SLC12A1: variants seen among roughly 807,000 people sequenced by gnomAD.
The protein encoded by SLC12A1 is solute carrier family 12 member 1, also known as Na-K-2Cl cotransporter.
A neutral mutation model predicts 130.4 loss-of-function variants in SLC12A1; 89 were observed. The ratio of observed to expected loss-of-function variants is 0.68; its 90% CI spans 0.58 to 0.81. The LOEUF is 0.81. Among genes scored for constraint, SLC12A1 ranks in the 40% least tolerant of loss-of-function variants. The probability of loss-of-function intolerance (pLI) is 0.00; values close to 1 mark genes in which losing one functional copy is unlikely to be tolerated. For missense variants in SLC12A1, 1,310 were observed against 1,336.4 expected (o/e 0.98, Z 0.31); for synonymous variants, 499 against 460.0 (o/e 1.08, Z -1.09).
At chr15:48,256,150 A>G (rs974021479) in intron 16 of SLC12A1, among the ~76,000 whole-genome samples, 48 of 152,174 alleles carry the variant, frequency 3.2e-4, no homozygotes, top group African/African-American at 1.1e-3. Flanking sequence ...GTCACCTTCC[A>G]TGCGTGGAGA....
intron 17 of SLC12A1, among the ~76,000 whole-genome samples, chr15:48,263,060 T>A (rs2141081277): frequency 6.6e-6 from 1 of 152,348 alleles, no homozygotes; most frequent in South Asian, 2.1e-4. Context: ...GCACACTATG[T>A]TCAGTTCTAG....
At chr15:48,255,121 A>G (rs560933995) in intron 15 of SLC12A1, among the ~76,000 whole-genome samples, 1 of 152,122 alleles carries the variant, frequency 6.6e-6, no homozygotes, top group South Asian at 2.1e-4. Flanking sequence ...ATCTGTGTAT[A>G]CAGAAATGCT....
chr15:48,253,700 T>C (rs2041672480), intron 15 of SLC12A1, among the ~76,000 whole-genome samples: 1 of 152,232 alleles, frequency 6.6e-6, no homozygotes, highest in African/African-American at 2.4e-5. Flanking sequence ...TTATGATTAA[T>C]AGTAAGTGTA....
At chr15:48,282,857 G>A (rs999462100) in intron 20 of SLC12A1, among the ~76,000 whole-genome samples, 1 of 152,120 alleles carries the variant, frequency 6.6e-6, no homozygotes, top group Non-Finnish European at 1.5e-5. Context: ...ATAATAATAA[G>A]CCACAGGAGG....
intron 13 of SLC12A1, among the ~76,000 whole-genome samples, chr15:48,249,004 A>G (rs997169178): frequency 1.3e-5 from 2 of 152,216 alleles, no homozygotes; most frequent in African/African-American, 4.8e-5. Flanking sequence ...AGATTGTGCC[A>G]TTGCACTCCA....
intron 9 of SLC12A1, among the ~76,000 whole-genome samples, chr15:48,236,127 ACACACACG>A (rs769286957): frequency 2.4e-5 from 3 of 124,186 alleles, no homozygotes; most frequent in Non-Finnish European, 3.8e-5. Context: ...ACACACACAC[ACACACACG>A]CAAAGTAGAA....
intron 2 of SLC12A1, 119 bp downstream of exon 2, chr15:48,208,258 C>A (rs2041006140): frequency 1.0e-6 from 1 of 962,506 alleles, no homozygotes; most frequent in Non-Finnish European, 1.5e-6. Flanking sequence ...CTATTCCAAA[C>A]ACTATCCATC....
At chr15:48,232,587 G>C in intron 7 of SLC12A1, 140 bp from the exon 8 acceptor site, 2 of 675,998 alleles carry the variant, frequency 3.0e-6, no homozygotes, top group Admixed American at 4.5e-5. Flanking sequence ...AAGGATGCAT[G>C]TATTACCTAC....
At chr15:48,240,092 C>CATATAT (rs1202434183) in intron 9 of SLC12A1, among the ~76,000 whole-genome samples, 4 of 60,414 alleles carry the variant, frequency 6.6e-5, no homozygotes, top group African/African-American at 2.5e-4. Context: ...TATATATATC[C>CATATAT]ATATATATAT....
chr15:48,272,600 T>C (rs2041909601), intron 19 of SLC12A1, among the ~76,000 whole-genome samples: 1 of 152,088 alleles, frequency 6.6e-6, no homozygotes, highest in Admixed American at 6.6e-5. Context: ...CTAATTTTTA[T>C]ATTTTTTAGT....
At chr15:48,270,427 C>T (rs1480861907) in intron 19 of SLC12A1, among the ~76,000 whole-genome samples, 1 of 151,694 alleles carries the variant, frequency 6.6e-6, no homozygotes, top group Non-Finnish European at 1.5e-5. Context: ...AATATTTTTT[C>T]CCATTCTACA....
intron 2 of SLC12A1, among the ~76,000 whole-genome samples, chr15:48,213,312 G>C (rs1404013319): frequency 6.6e-6 from 1 of 152,164 alleles, no homozygotes; most frequent in African/African-American, 2.4e-5. Flanking sequence ...ATGATGGGCT[G>C]AGCAGGAGGT....
intron 10 of SLC12A1, among the ~76,000 whole-genome samples, chr15:48,242,946 G>A (rs961258559): frequency 1.3e-5 from 2 of 152,182 alleles, no homozygotes; most frequent in East Asian, 3.9e-4. Flanking sequence ...AATTTCCCGA[G>A]TGGTTTTCTT....
At chr15:48,232,211 A>T (rs1372001893) in intron 7 of SLC12A1, among the ~76,000 whole-genome samples, 1 of 152,208 alleles carries the variant, frequency 6.6e-6, no homozygotes, top group African/African-American at 2.4e-5. Context: ...CTGAAGGAAG[A>T]CCATCTGACC....
chr15:48,269,750 C>T lies in SLC12A1; in HGVS notation c.2388C>T (p.Tyr796=), dbSNP rs150773611. ...CTCCCTTGACAGAGATTGAGAACTA[C>T]GTGGGAATCATACAGTAAGTGATGG... ...RKAPLTEIEN[Y]VGIIHDAFDF... Residue 796 remains tyrosine (Y), a synonymous_variant, in exon 19 of 27, where the codon TAC becomes TAT. Coordinates refer to ENST00000380993, the MANE Select transcript of SLC12A1 (RefSeq NM_000338.3). 8.1e-5 allele frequency: 128 copies of T among 1,588,462 alleles called. No individual in the cohort carries two copies. Among genetic ancestry groups the T allele is most frequent in the East Asian group, 1.3e-4 (6 of 44,706 alleles).
chr15:48,302,359 G>A (rs1345025309), intron 26 of SLC12A1, among the ~76,000 whole-genome samples: 1 of 151,908 alleles, frequency 6.6e-6, no homozygotes, highest in East Asian at 1.9e-4. Flanking sequence ...GGTGGCTCAC[G>A]CCTGCAATCC....
At chr15:48,256,459 A>G (rs1165483340) in intron 16 of SLC12A1, among the ~76,000 whole-genome samples, 3 of 152,206 alleles carry the variant, frequency 2.0e-5, no homozygotes, top group Non-Finnish European at 4.4e-5. Flanking sequence ...GTCCATTTTC[A>G]TACTGCTATG....
intron 11 of SLC12A1, among the ~76,000 whole-genome samples, chr15:48,246,658 G>A (rs1311100332): frequency 6.6e-6 from 1 of 152,144 alleles, no homozygotes; most frequent in Non-Finnish European, 1.5e-5. Flanking sequence ...GCAGGTGCCT[G>A]TAATCCCAGC....
chr15:48,262,559 C>A (rs554351708), intron 17 of SLC12A1, among the ~76,000 whole-genome samples: 2 of 152,232 alleles, frequency 1.3e-5, no homozygotes, highest in East Asian at 3.9e-4. Flanking sequence ...CTCTCTCTTG[C>A]TTTTTTACTA....
Sources: allele counts gnomAD v4.1 joint callset (sites outside exome capture counted in the v4.1 genomes callset), GRCh38; gene constraint gnomAD v4.1.1; transcripts MANE v1.5; gene names NCBI Gene and HGNC (gene_info 2026-07-23, HGNC 2026-07-21).